The following GNPTAB variants were observed in gnomAD, a reference collection of about 807,000 sequenced individuals.
GNPTAB encodes the protein N-acetylglucosamine-1-phosphotransferase subunits alpha/beta.
A neutral mutation model predicts 136.6 loss-of-function variants in GNPTAB; 92 were observed. The ratio of observed to expected loss-of-function variants is 0.67; its 90% CI spans 0.57 to 0.80. The LOEUF is 0.80. GNPTAB is among the 30% of genes least tolerant of loss of function. The pLI is 0.00. For missense variants in GNPTAB, 1,343 were observed against 1,501.8 expected (o/e 0.89, Z 1.75); for synonymous variants, 512 against 535.1 (o/e 0.96, Z 0.60).
intron 7 of GNPTAB, among the ~76,000 whole-genome samples, chr12:101,776,291 A>G (rs1373453308): frequency 6.6e-6 from 1 of 152,234 alleles, no homozygotes; most frequent in African/African-American, 2.4e-5. Flanking sequence ...TGGATACAAA[A>G]TGATTTAGAG....
Position 101,764,734 on chromosome 12 carries a change from T to C in GNPTAB, c.2183A>G (p.Tyr728Cys), listed in dbSNP as rs773754317. ...CAGCAAGGCTGACTTGGACAAATTG[T>C]ATCCTTTCAAAGTGATGTCTCCATG... ...LEHGDITLKG[Y>C]NLSKSALLRS... The change falls in exon 13 of 21, where the codon TAC becomes TGC. Residue 728 changes from tyrosine to cysteine, a missense_variant. Coordinates refer to ENST00000299314, the MANE Select transcript of GNPTAB (RefSeq NM_024312.5). The C allele has an allele frequency of 6.2e-7, 1 of 1,613,680 alleles. No individual in the cohort carries two copies.
intron 2 of GNPTAB, among the ~76,000 whole-genome samples, chr12:101,793,119 A>G (rs1869084282): frequency 6.6e-6 from 1 of 152,142 alleles, no homozygotes; most frequent in Non-Finnish European, 1.5e-5. Flanking sequence ...AGGGCCTAGA[A>G]TAGTTCCTCC....
intron 1 of GNPTAB, among the ~76,000 whole-genome samples, chr12:101,811,637 A>G (rs928730867): frequency 2.3e-4 from 33 of 142,908 alleles, no homozygotes; most frequent in African/African-American, 8.3e-4. Flanking sequence ...GGTGCTACAC[A>G]CTTTTTTTTT....
At chr12:101,814,112 A>G (rs1442436927) in intron 1 of GNPTAB, among the ~76,000 whole-genome samples, 1 of 151,660 alleles carries the variant, frequency 6.6e-6, no homozygotes, top group Admixed American at 6.6e-5. Flanking sequence ...CCAGCTGGGC[A>G]ACATGATGAA....
In GNPTAB at chr12:101,765,036, C is replaced by A. The variant is rs757613660; in HGVS notation, c.1881G>T (p.Met627Ile). Residue 627 changes from methionine to isoleucine, a missense_variant, in exon 13 of 21, where the codon ATG becomes ATT. Coordinates refer to ENST00000299314, the MANE Select transcript of GNPTAB (RefSeq NM_024312.5). Reference protein sequence around the residue: ...FQNTNDEEFKMQITVEVDTRE... With the variant: ...FQNTNDEEFKIQITVEVDTRE... ...TTGTGTCCACCTCCACTGTTATCTG[C>A]ATTTTGAACTCTTCATCGTTTGTAT... The A allele has an allele frequency of 2.1e-5, 34 of 1,614,062 alleles. No individual in the cohort carries two copies. Among genetic ancestry groups the A allele is most frequent in the Non-Finnish European group, 2.9e-5 (34 of 1,180,024 alleles).
chr12:101,785,246 A>T (rs985041828), intron 5 of GNPTAB, among the ~76,000 whole-genome samples: 1 of 152,204 alleles, frequency 6.6e-6, no homozygotes, highest in African/African-American at 2.4e-5. Context: ...TTTTGAGGCA[A>T]GGCCTCGTTC....
intron 1 of GNPTAB, among the ~76,000 whole-genome samples, chr12:101,821,506 C>A (rs78241632): frequency 6.6e-6 from 1 of 152,282 alleles, no homozygotes; most frequent in African/African-American, 2.4e-5. Context: ...ATACAAGATA[C>A]CACATTCCAA....
intron 1 of GNPTAB, among the ~76,000 whole-genome samples, chr12:101,829,759 A>G (rs767243463): frequency 5.3e-5 from 8 of 152,162 alleles, no homozygotes; most frequent in Non-Finnish European, 8.8e-5. Context: ...CTCTAGAACC[A>G]AGAACTACTA....
At chr12:101,761,463 A>T (rs1952993765) in intron 14 of GNPTAB, 101 bp downstream of exon 14, 18 of 1,418,264 alleles carry the variant, frequency 1.3e-5, no homozygotes, top group Non-Finnish European at 1.7e-5. Flanking sequence ...CATATTAGTC[A>T]TCAAATATTA....
intron 18 of GNPTAB, among the ~76,000 whole-genome samples, chr12:101,755,149 G>T (rs906485789): frequency 2.6e-5 from 4 of 152,098 alleles, no homozygotes; most frequent in Non-Finnish European, 5.9e-5. Flanking sequence ...AAAAAACGTG[G>T]AGCTAAAATG....
At chr12:101,815,614 C>T (rs1468825135) in intron 1 of GNPTAB, among the ~76,000 whole-genome samples, 3 of 100,926 alleles carry the variant, frequency 3.0e-5, no homozygotes, top group African/African-American at 4.9e-5. Flanking sequence ...CATAGCAAGA[C>T]CCTGTTCCAA....
At chr12:101,780,771 A>G (rs1207699582) in intron 5 of GNPTAB, 150 bp from the exon 6 acceptor site, 1 of 676,876 alleles carries the variant, frequency 1.5e-6, no homozygotes, top group African/African-American at 1.8e-5. Context: ...AAATTAGCCC[A>G]TTCAACAAAA....
chr12:101,799,487 A>T (rs1252163510), intron 1 of GNPTAB, among the ~76,000 whole-genome samples: 1 of 152,246 alleles, frequency 6.6e-6, no homozygotes, highest in Non-Finnish European at 1.5e-5. Flanking sequence ...AGTAAGGAAG[A>T]GAAGCAAGCA....
At chr12:101,821,672 G>A (rs1014470544) in intron 1 of GNPTAB, among the ~76,000 whole-genome samples, 1 of 152,218 alleles carries the variant, frequency 6.6e-6, no homozygotes, top group Non-Finnish European at 1.5e-5. Flanking sequence ...AGGGGGAGCA[G>A]TGGAAGTCTG....
intron 7 of GNPTAB, chr12:101,778,847 A>T (rs1173961043): frequency 1.3e-5 from 2 of 152,114 alleles, no homozygotes; most frequent in Non-Finnish European, 2.9e-5. Flanking sequence ...CAGAGGTTGC[A>T]GTGTGCCCAG....
At chr12:101,767,947 GT>G in intron 11 of GNPTAB, 89 bp downstream of exon 11, 1 of 1,339,366 alleles carries the variant, frequency 7.5e-7, no homozygotes, top group Non-Finnish European at 1.1e-6. Context: ...CATAAAGAAT[GT>G]TTGGTTAAGT....
intron 7 of GNPTAB, among the ~76,000 whole-genome samples, chr12:101,772,564 C>T (rs1953192317): frequency 6.6e-6 from 1 of 152,188 alleles, no homozygotes; most frequent in African/African-American, 2.4e-5. Context: ...CCACTTTCAC[C>T]TCTTTTACTT....
intron 1 of GNPTAB, among the ~76,000 whole-genome samples, chr12:101,802,694 G>A (rs1391112022): frequency 6.6e-6 from 1 of 152,174 alleles, no homozygotes; most frequent in African/African-American, 2.4e-5. Flanking sequence ...GCTCCAGGCT[G>A]TATTTAAAGA....
intron 8 of GNPTAB, among the ~76,000 whole-genome samples, 177 bp from the exon 9 acceptor site, chr12:101,770,762 C>T (rs1280864606): frequency 1.3e-5 from 2 of 152,088 alleles, no homozygotes; most frequent in African/African-American, 4.8e-5. Context: ...TATTTTTAAA[C>T]CCAAAATTCA....
Sources: gnomAD v4.1 joint callset for allele counts (sites outside exome capture counted in the v4.1 genomes callset) on GRCh38, gnomAD v4.1.1 for gene constraint, MANE v1.5 for transcripts, NCBI Gene and HGNC (gene_info 2026-07-23, HGNC 2026-07-21) for gene names.